The following SH3D19 variants were observed in gnomAD, a reference collection of about 807,000 sequenced individuals.
The protein encoded by SH3D19 is SH3 domain-containing protein 19.
SH3D19 carries 58 observed loss-of-function variants against 112.1 expected under a neutral mutation model. The observed-to-expected ratio is 0.52, with a 90% CI of 0.42 to 0.64. The LOEUF is 0.64. Among genes scored for constraint, SH3D19 ranks in the 30% least tolerant of loss-of-function variants. SH3D19 has a pLI of 0.00. For synonymous variants in SH3D19, 391 were observed against 448.5 expected (o/e 0.87, Z 1.62); for missense variants, 1,090 against 1,263.4 (o/e 0.86, Z 2.08).
chr4:151,266,688 C>T (rs1772817839), intron 1 of SH3D19, among the ~76,000 whole-genome samples: 1 of 152,056 alleles, frequency 6.6e-6, no homozygotes, highest in Non-Finnish European at 1.5e-5. Flanking sequence ...AGCTAAGAAC[C>T]CAGAGACTAG....
Position 151,251,197 on chromosome 4 carries a change from C to CT in SH3D19, c.113-25112_113-25111insA, listed in dbSNP as rs1561401220. On this transcript the variant is annotated intron_variant, in intron 1 of 19. Transcript: ENST00000604030. ...ATTTGTTCTTTCTTTTTCTTTTTTT[C>CT]CTTTTTTTTTTTTTTTCCTGAGACG... 1.3e-4 allele frequency among the ~76,000 whole-genome samples: 10 copies of CT among 74,798 alleles called. No homozygotes were observed. In the East Asian group the frequency reaches 2.4e-3, roughly 18 times the overall value. 49.1% of individuals were successfully genotyped at this position (74,798 alleles called of 152,430 possible).
intron 1 of SH3D19, among the ~76,000 whole-genome samples, chr4:151,290,423 A>T (rs530686794): frequency 3.3e-5 from 5 of 152,306 alleles, no homozygotes; most frequent in South Asian, 2.1e-4. Flanking sequence ...GCTAACTGAA[A>T]CATGCCAGAC....
chr4:151,164,320 C>T (rs1029581743), intron 8 of SH3D19, among the ~76,000 whole-genome samples: 2 of 152,126 alleles, frequency 1.3e-5, no homozygotes, highest in East Asian at 3.8e-4. Flanking sequence ...GTGATCACTC[C>T]AAGCAGTGCC....
chr4:151,206,300 A>G (rs976948631), intron 2 of SH3D19, among the ~76,000 whole-genome samples: 1 of 152,142 alleles, frequency 6.6e-6, no homozygotes, highest in Admixed American at 6.5e-5. Context: ...TCCTACATTA[A>G]AGAAGGTTTT....
At chr4:151,161,633 TA>T (rs1319425902) in intron 8 of SH3D19, among the ~76,000 whole-genome samples, 17 of 142,158 alleles carry the variant, frequency 1.2e-4, no homozygotes, top group African/African-American at 3.4e-4. Context: ...TATATATATA[TA>T]TATATATTTT....
rs1730945268 is a variant in SH3D19 at position 151,325,314 on chromosome 4, C to T, written c.39G>A (p.Glu13=). ...CACCAAGTTCGCGGCGCTCGCGTAG[C>T]TCTTCCTCCTCGTCCTCCCGCCGCC... ...EGRRREDEEE[E]LRERRELGGQ... is the part of the protein sequence containing the mutation. The change falls in exon 1 of 20, where the codon GAG becomes GAA. Residue 13 remains glutamate, a synonymous_variant. Transcript: ENST00000604030. The T allele has an allele frequency of 1.5e-5, 18 of 1,218,756 alleles. No homozygotes were observed. Among genetic ancestry groups the T allele is most frequent in the Non-Finnish European group, 1.8e-5 (18 of 979,538 alleles). The allele number at this position is 1,218,756 out of a possible 1,614,324, so 75.5% of individuals were successfully genotyped here.
intron 1 of SH3D19, among the ~76,000 whole-genome samples, chr4:151,294,493 T>C (rs1193337973): frequency 6.6e-6 from 1 of 152,248 alleles, no homozygotes; most frequent in Non-Finnish European, 1.5e-5. Flanking sequence ...ACTGGGTGGA[T>C]GCACCAAGGG....
intron 1 of SH3D19, among the ~76,000 whole-genome samples, chr4:151,290,822 T>C (rs1404859627): frequency 6.6e-6 from 1 of 152,256 alleles, no homozygotes; most frequent in South Asian, 2.1e-4. Flanking sequence ...GTTCATTCAT[T>C]TGAATAAATT....
At chr4:151,280,514 T>C (rs561374554) in intron 1 of SH3D19, among the ~76,000 whole-genome samples, 11 of 152,318 alleles carry the variant, frequency 7.2e-5, no homozygotes, top group African/African-American at 2.4e-4. Flanking sequence ...ATAAAAACTA[T>C]GAGATAAATA....
At chr4:151,322,585 CAT>C (rs1730660222) in intron 1 of SH3D19, among the ~76,000 whole-genome samples, 1 of 149,372 alleles carries the variant, frequency 6.7e-6, no homozygotes, top group East Asian at 2.0e-4. Flanking sequence ...AGCTGGGAAA[CAT>C]AAATACATTT....
In SH3D19 at chr4:151,264,057, C is replaced by T. The variant is rs111376481; in HGVS notation, c.113-37971G>A. ...TGAGCTCAAGTGATCCTCCTGCCTT[C>T]GTCTCCCAAAGTACTGAGATTACAG... is the stretch of plus-strand genomic sequence containing the variant. On this transcript the variant is annotated intron_variant, in intron 1 of 19. Transcript: ENST00000604030. Among the ~76,000 whole-genome samples the T allele has an allele frequency of 3.5e-3, 529 of 152,196 alleles. 4 individuals carry two copies. Among genetic ancestry groups the T allele is most frequent in the African/African-American group, 0.012 (508 of 41,532 alleles).
At chr4:151,151,938 T>C (rs1272557404) in intron 9 of SH3D19, among the ~76,000 whole-genome samples, 1 of 152,220 alleles carries the variant, frequency 6.6e-6, no homozygotes, top group Non-Finnish European at 1.5e-5. Flanking sequence ...ATGCAGATGA[T>C]GTACTGTAAT....
At chr4:151,128,079 G>T in intron 18 of SH3D19, 91 bp downstream of exon 18, 1 of 1,053,236 alleles carries the variant, frequency 9.5e-7, no homozygotes, top group Non-Finnish European at 1.3e-6. Flanking sequence ...CAGACAAACT[G>T]AGCATGGCCA....
intron 1 of SH3D19, among the ~76,000 whole-genome samples, chr4:151,324,145 T>C (rs1730815946): frequency 6.6e-6 from 1 of 152,240 alleles, no homozygotes; most frequent in Admixed American, 6.5e-5. Context: ...GAATTATTTT[T>C]ATGTTCCAAG....
chr4:151,208,537 G>GT, intron 2 of SH3D19, among the ~76,000 whole-genome samples: 1 of 151,898 alleles, frequency 6.6e-6, no homozygotes, highest in East Asian at 1.9e-4. Flanking sequence ...AACCTGGCTA[G>GT]TTTTTTGTAT....
At chr4:151,295,804 G>C (rs1163501154) in intron 1 of SH3D19, among the ~76,000 whole-genome samples, 4 of 152,196 alleles carry the variant, frequency 2.6e-5, no homozygotes, top group Non-Finnish European at 4.4e-5. Context: ...TTGGGAGGCT[G>C]AGGCGGGCGG....
intron 1 of SH3D19, among the ~76,000 whole-genome samples, chr4:151,295,711 A>G (rs1478837923): frequency 2.0e-5 from 3 of 152,206 alleles, no homozygotes; most frequent in Non-Finnish European, 4.4e-5. Flanking sequence ...GGAGGCAGTG[A>G]ATATCTAAAA....
At chr4:151,228,082 A>G in intron 1 of SH3D19, 1 of 971,240 alleles carries the variant, frequency 1.0e-6, no homozygotes, top group Non-Finnish European at 1.2e-6. Flanking sequence ...AGTCATTTTT[A>G]TACTTTCTGC....
chr4:151,173,964 T>A (rs1280384520), intron 7 of SH3D19, among the ~76,000 whole-genome samples: 1 of 152,174 alleles, frequency 6.6e-6, no homozygotes, highest in African/African-American at 2.4e-5. Flanking sequence ...AACGGAACAG[T>A]TAGAGGAAAG....
Sources: gnomAD v4.1 joint callset for allele counts (sites outside exome capture counted in the v4.1 genomes callset) on GRCh38, gnomAD v4.1.1 for gene constraint, MANE v1.5 for transcripts, NCBI Gene and HGNC (gene_info 2026-07-23, HGNC 2026-07-21) for gene names.